MAD1L1: variants seen among roughly 807,000 people sequenced by gnomAD.
MAD1L1 encodes the protein mitotic spindle assembly checkpoint protein MAD1.
In MAD1L1, 95 loss-of-function variants were observed where a neutral mutation model predicts 96.9. The ratio of observed to expected loss-of-function variants is 0.98; its 90% CI spans 0.83 to 1.16. The LOEUF (loss-of-function observed/expected upper bound fraction) is 1.16. MAD1L1 is among the 50% of genes most tolerant of loss of function. MAD1L1 has a pLI of 0.00. For missense variants in MAD1L1, 1,007 were observed against 954.4 expected (o/e 1.06, Z -0.73); for synonymous variants, 473 against 396.6 (o/e 1.19, Z -2.29).
chr7:1,823,812 G>A (rs1562427122), intron 18 of MAD1L1, among the ~76,000 whole-genome samples: 1 of 152,158 alleles, frequency 6.6e-6, no homozygotes, highest in African/African-American at 2.4e-5. Flanking sequence ...CTGGGCCGGG[G>A]GAGGCATGAA....
chr7:1,886,771 C>A (rs1258144350), intron 18 of MAD1L1, among the ~76,000 whole-genome samples: 1 of 152,276 alleles, frequency 6.6e-6, no homozygotes, highest in African/African-American at 2.4e-5. Flanking sequence ...GCACTGTGTG[C>A]AGACAGGCAG....
At chr7:1,843,024 T>G (rs530116406) in intron 18 of MAD1L1, among the ~76,000 whole-genome samples, 2 of 152,194 alleles carry the variant, frequency 1.3e-5, no homozygotes, top group African/African-American at 4.8e-5. Context: ...GGCTTCCCAG[T>G]AGCACATTCC....
At chr7:1,816,559 CCACTCTTCACT>C in intron 18 of MAD1L1, among the ~76,000 whole-genome samples, 1 of 152,246 alleles carries the variant, frequency 6.6e-6, no homozygotes, top group East Asian at 1.9e-4. Flanking sequence ...GGCCCTAGTG[CCACTCTTCACT>C]GAGGCTGGAG....
At position 2,103,262 on chromosome 7, in the gene MAD1L1, G is replaced by A. The variant is rs1209374148; in HGVS notation, c.1074-33924C>T. On this transcript the variant is annotated intron_variant, in intron 11 of 18. Coordinates refer to ENST00000265854, the MANE Select transcript of MAD1L1 (RefSeq NM_001013836.2). The surrounding 1 kb of genome is among the most constrained non-coding windows in gnomAD (Gnocchi z 4.3). The stretch of plus-strand genomic sequence containing the variant: ...TCCATCCGGCCACGCTGAGGGCCGG[G>A]TCGCAGCCCAAGCCATGGCTGCCCC... Among the ~76,000 whole-genome samples the A allele has an allele frequency of 6.6e-6, 1 of 152,144 alleles. No homozygotes were observed. The highest frequency in any genetic ancestry group is 2.4e-5 in the African/African-American group (1 of 41,442).
intron 18 of MAD1L1, among the ~76,000 whole-genome samples, chr7:1,894,942 TAGGCCCCCTG>T (rs1786775195): frequency 1.3e-5 from 2 of 152,062 alleles, no homozygotes; most frequent in Non-Finnish European, 2.9e-5. Context: ...GGGGCACACT[TAGGCCCCCTG>T]GGGACCCTCA....
At chr7:1,873,991 G>A (rs569103585) in intron 18 of MAD1L1, among the ~76,000 whole-genome samples, 24 of 151,788 alleles carry the variant, frequency 1.6e-4, no homozygotes, top group African/African-American at 4.1e-4. Context: ...GGTCAGTTCC[G>A]GTGGGGAGGC....
chr7:1,976,503 T>C (rs1780646266), intron 15 of MAD1L1, among the ~76,000 whole-genome samples: 1 of 152,148 alleles, frequency 6.6e-6, no homozygotes, highest in Middle Eastern at 3.2e-3. Context: ...CAGACCTTCG[T>C]GGTGAGTGCT....
At chr7:2,043,547 G>A (rs567930514) in intron 12 of MAD1L1, among the ~76,000 whole-genome samples, 2 of 152,242 alleles carry the variant, frequency 1.3e-5, no homozygotes, top group Admixed American at 6.5e-5. Context: ...GCTTGGGAAC[G>A]TGATGCCCGG....
rs542871923 is a variant in MAD1L1, at chr7:2,031,102, C to A, written c.1219-16460G>T. Among the ~76,000 whole-genome samples the A allele has an allele frequency of 4.6e-5, 7 of 152,346 alleles. No individual in the cohort carries two copies. In the East Asian group the frequency reaches 1.3e-3, roughly 29 times the overall value. ...TCCCTCCAGCAGCCAGCTGTGCATT[C>A]TCCATGAACTGCACCTACGCGAGCT... On this transcript the variant is annotated intron_variant, in intron 12 of 18. Transcript: ENST00000265854.
chr7:2,023,770 G>A (rs1309864254), intron 12 of MAD1L1, among the ~76,000 whole-genome samples: 1 of 152,082 alleles, frequency 6.6e-6, no homozygotes, highest in East Asian at 1.9e-4. Context: ...CCAACATGGT[G>A]AAACCCCATC....
Position 1,855,542 on chromosome 7 carries a change from GGCCCA to G in MAD1L1, c.1999-39319_1999-39315del, listed in dbSNP as rs150184082. On this transcript the variant is annotated intron_variant, in intron 18 of 18. Transcript: ENST00000265854. ...CTCACTTTCCAGAAAACACGGCCCGGGCCCAGCCCAGCCCAGCCCAGCTCCACCCG... is the reference window on the plus strand; with the variant it reads ...CTCACTTTCCAGAAAACACGGCCCGGGCCCAGCCCAGCCCAGCTCCACCCG... 5.5e-3 allele frequency among the ~76,000 whole-genome samples: 837 copies of G among 151,990 alleles called. 8 individuals are homozygous for G. Among genetic ancestry groups the G allele is most frequent in the African/African-American group, 0.019 (789 of 41,476 alleles).
intron 10 of MAD1L1, among the ~76,000 whole-genome samples, chr7:2,156,013 T>C (rs996600295): frequency 6.6e-6 from 1 of 152,206 alleles, no homozygotes; most frequent in African/African-American, 2.4e-5. Context: ...AAGCTGATGC[T>C]GGGCAAAAAG....
chr7:2,026,386 C>CT (rs1782995987), intron 12 of MAD1L1, among the ~76,000 whole-genome samples: 1 of 152,120 alleles, frequency 6.6e-6, no homozygotes, highest in Non-Finnish European at 1.5e-5. Context: ...TTCAACACAA[C>CT]TCTTGCAGGA....
chr7:2,126,997 T>G (rs1181107254), intron 11 of MAD1L1, among the ~76,000 whole-genome samples: 2 of 152,126 alleles, frequency 1.3e-5, no homozygotes, highest in African/African-American at 4.8e-5. Flanking sequence ...AAGTCAGGTG[T>G]GAGTTCAGTC....
intron 17 of MAD1L1, among the ~76,000 whole-genome samples, chr7:1,907,750 TTAA>T (rs1787758152): frequency 6.6e-6 from 1 of 152,244 alleles, no homozygotes; most frequent in Admixed American, 6.5e-5. Context: ...CGTGTTCCTC[TTAA>T]TAAAACACAT....
At chr7:2,054,191 A>G (rs1401299870) in intron 12 of MAD1L1, among the ~76,000 whole-genome samples, 1 of 152,168 alleles carries the variant, frequency 6.6e-6, no homozygotes, top group Admixed American at 6.5e-5. Flanking sequence ...AGTCCCACCC[A>G]TGGGCGGGTG....
chr7:2,110,394 A>T (rs1372573043), intron 11 of MAD1L1, among the ~76,000 whole-genome samples: 1 of 152,210 alleles, frequency 6.6e-6, no homozygotes, highest in African/African-American at 2.4e-5. Context: ...CTCAGAAGCC[A>T]CGCCCAAAGC....
intron 11 of MAD1L1, among the ~76,000 whole-genome samples, chr7:2,071,362 C>T (rs1400882750): frequency 6.6e-6 from 1 of 152,264 alleles, no homozygotes; most frequent in Non-Finnish European, 1.5e-5. Context: ...GCAGAAGCCA[C>T]ACAAGCCCAC....
intron 11 of MAD1L1, among the ~76,000 whole-genome samples, chr7:2,091,189 C>A (rs912745816): frequency 6.6e-6 from 1 of 152,196 alleles, no homozygotes; most frequent in Non-Finnish European, 1.5e-5. Flanking sequence ...ACACTCCAGG[C>A]TCCTCCTGTG....
Sources: gnomAD v4.1 joint callset for allele counts (sites outside exome capture counted in the v4.1 genomes callset) on GRCh38, gnomAD v4.1.1 for gene constraint, Gnocchi (gnomAD v3.1) non-coding constraint, MANE v1.5 for transcripts, NCBI Gene and HGNC (gene_info 2026-07-23, HGNC 2026-07-21) for gene names.